Variants in SEC31A observed in about 807,000 individuals in gnomAD.
SEC31A encodes protein transport protein Sec31A.
Under a neutral mutation model 151.0 loss-of-function variants are expected in SEC31A, and 70 were observed. The observed-to-expected ratio is 0.46, with a 90% confidence interval of 0.38 to 0.57. The LOEUF is 0.57. Ranked by LOEUF, SEC31A falls within the 20% of genes least tolerant of loss-of-function variation. The pLI is 0.00. For synonymous variants in SEC31A, 475 were observed against 505.9 expected, an observed-to-expected ratio of 0.94 and a Z score of 0.82; for missense variants, 1,330 against 1,471.2, an observed-to-expected ratio of 0.90 and a Z score of 1.57.
chr4:82,887,074 T>C (rs564815556), intron 1 of SEC31A, among the ~76,000 whole-genome samples: 18 of 152,306 alleles, frequency 1.2e-4, no homozygotes, highest in African/African-American at 3.8e-4. Context: ...AATTCTTAAC[T>C]CTTTAAAGGA....
exon 1 of SEC31A, chr4:82,900,465 T>C (rs1720270573): frequency 3.3e-6 from 1 of 300,894 alleles, no homozygotes; most frequent in East Asian, 7.2e-5. Context: ...AGAAGGACGA[T>C]GGCGCCAGAT....
chr4:82,844,388 T>C lies in SEC31A; in HGVS notation c.2624A>G (p.Gln875Arg). The stretch of plus-strand genomic sequence containing the variant: ...GACTTTGGGGTCACACTACTTACGC[T>C]GTGGCTGTGGATAAGGTGGTACCTG... ...HTQVPPYPQPQPYQPAQPYPF... is the reference protein window; with the variant it reads ...HTQVPPYPQPRPYQPAQPYPF... The change falls in exon 21 of 27, where the codon CAG (glutamine) becomes CGG (arginine). Residue 875 changes from glutamine (Q) to arginine (R), a missense_variant and splice_region_variant. Coordinates refer to ENST00000395310, the MANE Select transcript of SEC31A (RefSeq NM_001077207.4). 6.2e-7 allele frequency: 1 copy of C among 1,614,004 alleles called. No individual in the cohort carries two copies.
intron 19 of SEC31A, among the ~76,000 whole-genome samples, chr4:82,849,504 C>T (rs1206831853): frequency 6.6e-6 from 1 of 150,760 alleles, no homozygotes; most frequent in Non-Finnish European, 1.5e-5. Flanking sequence ...GTCCCAGTTA[C>T]TCGGGAGGCT....
At chr4:82,876,975 T>A (rs1261038510) in intron 4 of SEC31A, among the ~76,000 whole-genome samples, 1 of 152,230 alleles carries the variant, frequency 6.6e-6, no homozygotes, top group African/African-American at 2.4e-5. Flanking sequence ...CAGTGGCTCA[T>A]GCCTGTAGTC....
intron 4 of SEC31A, 155 bp from the exon 5 acceptor site, chr4:82,875,977 G>A: frequency 2.4e-6 from 1 of 422,828 alleles, no homozygotes; most frequent in Non-Finnish European, 4.2e-6. Flanking sequence ...TCTAAATTAT[G>A]CATAATTCTT....
intron 6 of SEC31A, 87 bp downstream of exon 6, chr4:82,874,524 T>C: frequency 1.5e-6 from 2 of 1,304,846 alleles, no homozygotes; most frequent in South Asian, 1.7e-5. Context: ...TCACAGAAAT[T>C]TGATTTGTTG....
intron 3 of SEC31A, 76 bp from the exon 4 acceptor site, chr4:82,879,004 T>A: frequency 9.4e-7 from 1 of 1,065,056 alleles, no homozygotes; most frequent in Non-Finnish European, 1.4e-6. Flanking sequence ...ATTATACACT[T>A]AATTTTTAAT....
At position 82,848,805 on chromosome 4, in the gene SEC31A, T is replaced by C; in HGVS notation, c.2501A>G (p.His834Arg). The C allele has an allele frequency of 1.2e-6, 2 of 1,609,942 alleles. No homozygotes were observed. Among genetic ancestry groups the C allele is most frequent in the Non-Finnish European group, 1.7e-6 (2 of 1,178,660 alleles). Residue 834 changes from histidine to arginine, a missense_variant and splice_region_variant, in exon 20 of 27, where the codon CAT becomes CGT. Coordinates refer to ENST00000395310, the MANE Select transcript of SEC31A (RefSeq NM_001077207.4). ...CTTCATCTGGACCATATCACTCACA[T>C]GGGGATAATATTGTTGAGTTTGAAC... The part of the protein sequence containing the change: ...PRVQTQQYYP[H>R]GENPPPPGFI...
intron 22 of SEC31A, among the ~76,000 whole-genome samples, chr4:82,834,362 C>T (rs1459100022): frequency 5.3e-5 from 8 of 152,216 alleles, no homozygotes; most frequent in East Asian, 1.9e-4. Flanking sequence ...AAGATGAGGA[C>T]GGCTTTTAAG....
chr4:82,828,486 A>T (rs1165463038), intron 23 of SEC31A, among the ~76,000 whole-genome samples: 1 of 151,992 alleles, frequency 6.6e-6, no homozygotes, highest in Non-Finnish European at 1.5e-5. Context: ...GAATTTTTTT[A>T]AAAGTAAAAA....
At chr4:82,889,553 AAAAAAAAAGTAAAAG>A (rs1332404899) in intron 1 of SEC31A, among the ~76,000 whole-genome samples, 3 of 151,238 alleles carry the variant, frequency 2.0e-5, no homozygotes, top group Non-Finnish European at 4.4e-5. Context: ...TCTCAAAAAA[AAAAAAAAAGTAAAAG>A]AAAAAAAAAG....
At chr4:82,891,777 A>T (rs1424675903), upstream of SEC31A, among the ~76,000 whole-genome samples, 1 of 152,248 alleles carries the variant, frequency 6.6e-6, no homozygotes, top group Non-Finnish European at 1.5e-5. Flanking sequence ...CATGGTATTG[A>T]GACCCGGTAG....
chr4:82,873,276 T>C (rs970967073), intron 6 of SEC31A, among the ~76,000 whole-genome samples: 7 of 151,446 alleles, frequency 4.6e-5, no homozygotes, highest in Non-Finnish European at 1.0e-4. Context: ...GAGAATTGCC[T>C]GAACCCAGGA....
intron 3 of SEC31A, among the ~76,000 whole-genome samples, chr4:82,896,690 G>A (rs1332848187): frequency 6.6e-6 from 1 of 152,092 alleles, no homozygotes; most frequent in African/African-American, 2.4e-5. Context: ...CTAGAAATTA[G>A]GTATTCCTAC....
intron 1 of SEC31A, among the ~76,000 whole-genome samples, chr4:82,883,262 A>C (rs1739804119): frequency 6.6e-6 from 1 of 152,244 alleles, no homozygotes; most frequent in South Asian, 2.1e-4. Flanking sequence ...GTCTAATACC[A>C]ACAAACACCT....
chr4:82,862,972 T>A (rs1734516194), intron 12 of SEC31A, among the ~76,000 whole-genome samples: 1 of 152,238 alleles, frequency 6.6e-6, no homozygotes, highest in Non-Finnish European at 1.5e-5. Context: ...TAGTTCTGCC[T>A]GACATCAAAA....
chr4:82,868,498 CA>C (rs749443014), intron 8 of SEC31A, among the ~76,000 whole-genome samples: 1 of 139,820 alleles, frequency 7.2e-6, no homozygotes, highest in Non-Finnish European at 1.6e-5. Context: ...AAGACCCTGA[CA>C]AAAAAATAAT....
At chr4:82,864,658 CT>C in intron 10 of SEC31A, 60 bp from the exon 11 acceptor site, 1 of 1,437,568 alleles carries the variant, frequency 7.0e-7, no homozygotes, top group Non-Finnish European at 9.7e-7. Context: ...AAAAAAAGTG[CT>C]TATAAAGTGG....
intron 13 of SEC31A, 26 bp downstream of exon 13, chr4:82,862,508 G>A (rs1424918597): frequency 1.9e-6 from 3 of 1,597,126 alleles, no homozygotes; most frequent in Non-Finnish European, 8.6e-7. Flanking sequence ...GTTTTAGAAG[G>A]TAGCTATTTT....
Sources: allele counts gnomAD v4.1 joint callset (sites outside exome capture counted in the v4.1 genomes callset), GRCh38; gene constraint gnomAD v4.1.1; transcripts MANE v1.5; gene names NCBI Gene and HGNC (gene_info 2026-07-23, HGNC 2026-07-21).